The following ATRNL1 variants were observed in gnomAD, a reference collection of about 807,000 sequenced individuals.
ATRNL1 encodes the protein attractin like 1.
A neutral mutation model predicts 182.7 loss-of-function variants in ATRNL1; 95 were observed. The ratio of observed to expected loss-of-function variants is 0.52; its 90% confidence interval spans 0.44 to 0.62. The LOEUF (loss-of-function observed/expected upper bound fraction) is 0.62, where lower values mean the gene tolerates loss of function less well. Ranked by LOEUF, ATRNL1 falls within the 20% of genes least tolerant of loss-of-function variation. The pLI, the probability that ATRNL1 is intolerant of heterozygous loss-of-function variation, is 0.00. For synonymous variants in ATRNL1, 576 were observed against 568.3 expected (o/e 1.01, Z -0.19); for missense variants, 1,471 against 1,679.5 (o/e 0.88, Z 2.17).
At chr10:115,745,999 C>A (rs782581158) in intron 27 of ATRNL1, among the ~76,000 whole-genome samples, 1 of 151,966 alleles carries the variant, frequency 6.6e-6, no homozygotes, top group Non-Finnish European at 1.5e-5. Flanking sequence ...CTTATGAGGC[C>A]TTCTTAGTGA....
At chr10:115,241,773 C>T in intron 10 of ATRNL1, 48 bp downstream of exon 10, 2 of 1,493,810 alleles carry the variant, frequency 1.3e-6, no homozygotes, top group Non-Finnish European at 1.8e-6. Context: ...CAGAAATTTT[C>T]CATATAGATA....
intron 26 of ATRNL1, among the ~76,000 whole-genome samples, chr10:115,637,845 G>A (rs185478274): frequency 1.4e-3 from 207 of 151,834 alleles, no homozygotes; most frequent in African/African-American, 4.5e-3. Flanking sequence ...GGATGGTCTC[G>A]AACTCCTGAC....
At chr10:115,315,878 T>C in intron 18 of ATRNL1, 142 bp downstream of exon 18, 3 of 664,408 alleles carry the variant, frequency 4.5e-6, no homozygotes, top group Non-Finnish European at 7.5e-6. Context: ...TAAAAAATTA[T>C]TCCATAGACT....
intron 24 of ATRNL1, among the ~76,000 whole-genome samples, chr10:115,489,547 C>T (rs782523049): frequency 7.2e-5 from 11 of 152,124 alleles, no homozygotes; most frequent in Non-Finnish European, 2.9e-5. Context: ...AGGGTTGCAA[C>T]CTCTGCCCCT....
At chr10:115,462,962 T>A (rs1460713878) in intron 22 of ATRNL1, among the ~76,000 whole-genome samples, 1 of 151,950 alleles carries the variant, frequency 6.6e-6, no homozygotes, top group Non-Finnish European at 1.5e-5. Flanking sequence ...ATAGGGTTTA[T>A]TCGGGTTGAA....
intron 26 of ATRNL1, among the ~76,000 whole-genome samples, chr10:115,626,606 C>A (rs1295285279): frequency 6.6e-6 from 1 of 152,054 alleles, no homozygotes; most frequent in Non-Finnish European, 1.5e-5. Context: ...TTTTGTGACT[C>A]TTAATCTACT....
chr10:115,630,897 A>T (rs1458402456), intron 26 of ATRNL1, among the ~76,000 whole-genome samples: 1 of 150,112 alleles, frequency 6.7e-6, no homozygotes, highest in Non-Finnish European at 1.5e-5. Context: ...CAGCCTTAAA[A>T]AAGGAGATCC....
chr10:115,767,627 T>A (rs1948889455), intron 27 of ATRNL1, among the ~76,000 whole-genome samples: 1 of 152,198 alleles, frequency 6.6e-6, no homozygotes, highest in Non-Finnish European at 1.5e-5. Flanking sequence ...CTTTTGTTCA[T>A]CATGTTTTTC....
intron 25 of ATRNL1, among the ~76,000 whole-genome samples, chr10:115,525,033 A>C (rs1444027603): frequency 2.0e-5 from 3 of 152,076 alleles, no homozygotes; most frequent in Admixed American, 6.6e-5. Flanking sequence ...CCACTTTTCA[A>C]AATGTTTCAG....
chr10:115,323,190 C>T (rs889638743), intron 18 of ATRNL1, among the ~76,000 whole-genome samples: 5 of 151,996 alleles, frequency 3.3e-5, no homozygotes, highest in Non-Finnish European at 5.9e-5. Flanking sequence ...TCCTAGTTCT[C>T]TCTGTATTTT....
intron 26 of ATRNL1, among the ~76,000 whole-genome samples, chr10:115,646,715 T>A (rs1555032580): frequency 6.6e-6 from 1 of 151,824 alleles, no homozygotes; most frequent in East Asian, 1.9e-4. Flanking sequence ...ATATATATAT[T>A]CATGTATGTG....
chr10:115,627,620 C>T (rs1858190526), intron 26 of ATRNL1, among the ~76,000 whole-genome samples: 1 of 152,074 alleles, frequency 6.6e-6, no homozygotes, highest in African/African-American at 2.4e-5. Flanking sequence ...CTCCCCTGAG[C>T]CTCCCAAAGT....
chr10:115,209,830 T>C (rs782654054), intron 8 of ATRNL1, among the ~76,000 whole-genome samples: 49 of 152,006 alleles, frequency 3.2e-4, no homozygotes, highest in Non-Finnish European at 5.9e-5. Context: ...AAGAATATAA[T>C]GAGAATGTGA....
chr10:115,556,392 G>A (rs1367324793), intron 26 of ATRNL1, among the ~76,000 whole-genome samples: 3 of 152,108 alleles, frequency 2.0e-5, no homozygotes, highest in Non-Finnish European at 4.4e-5. Flanking sequence ...CATAGTCCAA[G>A]TTTTTAAAAA....
intron 26 of ATRNL1, among the ~76,000 whole-genome samples, chr10:115,608,410 T>C (rs1856980498): frequency 6.6e-6 from 1 of 152,062 alleles, no homozygotes; most frequent in African/African-American, 2.4e-5. Flanking sequence ...TGAAGTTCTG[T>C]ATCAGAATTT....
At chr10:115,114,548 A>G (rs782059368) in intron 1 of ATRNL1, among the ~76,000 whole-genome samples, 23 of 152,294 alleles carry the variant, frequency 1.5e-4, no homozygotes, top group Non-Finnish European at 3.4e-4. Context: ...ATAACAAGAA[A>G]ACAAATAACC....
intron 7 of ATRNL1, among the ~76,000 whole-genome samples, chr10:115,168,670 T>A (rs1315189396): frequency 1.3e-5 from 2 of 152,128 alleles, no homozygotes; most frequent in Admixed American, 1.3e-4. Context: ...GTCCTTTTAT[T>A]ATTGAGTTGT....
chr10:115,731,409 G>A (rs1183805068), intron 27 of ATRNL1, among the ~76,000 whole-genome samples: 1 of 152,106 alleles, frequency 6.6e-6, no homozygotes, highest in Non-Finnish European at 1.5e-5. Flanking sequence ...ATAACATAAA[G>A]CATTATATTA....
intron 8 of ATRNL1, among the ~76,000 whole-genome samples, chr10:115,203,611 G>T (rs1022359829): frequency 1.6e-5 from 2 of 128,966 alleles, no homozygotes; most frequent in African/African-American, 6.0e-5. Flanking sequence ...ATGGAGTCTT[G>T]CTCTGTCACC....
Sources: gnomAD v4.1 joint callset for allele counts (sites outside exome capture counted in the v4.1 genomes callset) on GRCh38, gnomAD v4.1.1 for gene constraint, MANE v1.5 for transcripts, NCBI Gene and HGNC (gene_info 2026-07-23, HGNC 2026-07-21) for gene names.